RYR1: variants seen among roughly 807,000 people sequenced by gnomAD.
The protein encoded by RYR1 is ryanodine receptor 1, also known as central core disease of muscle.
Under a neutral mutation model 583.5 loss-of-function variants are expected in RYR1, and 342 were observed. The observed-to-expected ratio is 0.59, with a 90% CI of 0.54 to 0.64. RYR1 has a LOEUF of 0.64. Ranked by LOEUF, RYR1 falls within the 30% of genes least tolerant of loss-of-function variation. The pLI, the probability that RYR1 is intolerant of heterozygous loss-of-function variation, is 0.00. For synonymous variants in RYR1, 2,791 were observed against 2,822.5 expected (o/e 0.99, Z 0.35); for missense variants, 6,032 against 6,917.2 (o/e 0.87, Z 4.54).
chr19:38,549,597 C>T (rs1417859531), intron 89 of RYR1, among the ~76,000 whole-genome samples: 4 of 151,598 alleles, frequency 2.6e-5, no homozygotes, highest in South Asian at 2.1e-4. Context: ...TTTATAGAGA[C>T]GTTGCAAGAA....
At chr19:38,525,721 G>A (rs1242815103) in intron 71 of RYR1, among the ~76,000 whole-genome samples, 2 of 151,822 alleles carry the variant, frequency 1.3e-5, no homozygotes, top group Non-Finnish European at 2.9e-5. Context: ...GGGCACCACA[G>A]ACCTAAGAGC....
chr19:38,442,839 C>G (rs1972760483), intron 3 of RYR1, among the ~76,000 whole-genome samples: 1 of 152,188 alleles, frequency 6.6e-6, no homozygotes, highest in Admixed American at 6.5e-5. Context: ...TCTCCTCTTT[C>G]CAGTCCTTTC....
chr19:38,510,395 T>A (rs1401161356), intron 58 of RYR1, 103 bp from the exon 59 acceptor site: 2 of 1,106,444 alleles, frequency 1.8e-6, no homozygotes, highest in African/African-American at 3.1e-5. Context: ...CAATACTTTA[T>A]CCCCCATCAT....
In RYR1 at chr19:38,566,977, G is replaced by A. The variant is rs1973470707; in HGVS notation, c.13504G>A (p.Glu4502Lys). 1.3e-6 allele frequency: 2 copies of A among 1,595,706 alleles called. No homozygotes were observed. Among genetic ancestry groups the A allele is most frequent in the East Asian group, 4.5e-5 (2 of 44,190 alleles). The change falls in exon 92 of 106, where the codon GAG becomes AAG. Residue 4502 changes from glutamate (E) to lysine (K), a missense_variant. Transcript: ENST00000359596. ...CGAGCCGGAACCAGAGCTGGAGCCG[G>A]AGAAAGCCGAGTGAGTGGCCTTGGG... Reference protein sequence around the residue: ...EPEPEPELEPEKADAENGEKE... With the variant: ...EPEPEPELEPKKADAENGEKE...
At chr19:38,564,397 C>T (rs60024847) in intron 90 of RYR1, among the ~76,000 whole-genome samples, 2,883 of 152,080 alleles carry the variant, frequency 0.019, 92 homozygotes, top group African/African-American at 0.064. Flanking sequence ...TGGTGGCAGG[C>T]GCCTGTAATC....
In RYR1 at chr19:38,448,774, A is replaced by T; in HGVS notation, c.1083A>T (p.Pro361=). The T allele has an allele frequency of 1.2e-6, 2 of 1,614,174 alleles. No individual in the cohort carries two copies. Among genetic ancestry groups the T allele is most frequent in the Non-Finnish European group, 8.5e-7 (1 of 1,180,046 alleles). Residue 361 remains proline (P), a synonymous_variant, in exon 11 of 106, where the codon CCA becomes CCT. Coordinates refer to ENST00000359596, the MANE Select transcript of RYR1 (RefSeq NM_000540.3). ...GACTGTGGCTCACCTATGCTGCTCC[A>T]GACCCCAAGGCCCTGCGGCTCGGCG... is the stretch of plus-strand genomic sequence containing the variant. The part of the protein sequence containing the change: ...ASGLWLTYAA[P]DPKALRLGVL...
chr19:38,578,224 CTG>C lies in RYR1; in HGVS notation c.14364+21_14364+22del. 1 of 1,612,130 alleles carries C rather than the reference CTG, an allele frequency of 6.2e-7. No individual in the cohort carries two copies. Among genetic ancestry groups the C allele is most frequent in the Non-Finnish European group, 8.5e-7 (1 of 1,179,164 alleles). ...GACAACGTGAGCAGGGGCCCACAGACTGGGGAGGGACTCTGCAGGGGTGGGGC... is the reference window on the plus strand; with the variant it reads ...GACAACGTGAGCAGGGGCCCACAGACGGGAGGGACTCTGCAGGGGTGGGGC... On this transcript the variant is annotated intron_variant, in intron 99 of 105. Transcript: ENST00000359596.
chr19:38,527,917 G>C, intron 73 of RYR1, 133 bp downstream of exon 73: 1 of 1,001,548 alleles, frequency 1.0e-6, no homozygotes. Flanking sequence ...GGAGCCTCGA[G>C]TTTAAGGCGA....
intron 69 of RYR1, 132 bp downstream of exon 69, chr19:38,523,441 C>T (rs942920574): frequency 4.3e-6 from 4 of 940,328 alleles, no homozygotes; most frequent in South Asian, 1.4e-5. Context: ...AGCAGCCCCT[C>T]TTACCTCCTC....
At chr19:38,539,523 C>A (rs1164453683) in intron 84 of RYR1, among the ~76,000 whole-genome samples, 1 of 151,994 alleles carries the variant, frequency 6.6e-6, no homozygotes, top group East Asian at 1.9e-4. Flanking sequence ...CAGGTGTGAG[C>A]CACCATACCC....
intron 1 of RYR1, among the ~76,000 whole-genome samples, chr19:38,440,261 C>G (rs1300736658): frequency 6.6e-6 from 1 of 152,216 alleles, no homozygotes; most frequent in Non-Finnish European, 1.5e-5. Flanking sequence ...CCACTTCACT[C>G]CAGCCTGGGT....
Position 38,565,547 on chromosome 19 carries a change from G to T in RYR1, c.13213G>T (p.Gly4405Cys), listed in dbSNP as rs957386755. The change falls in exon 91 of 106, where the codon GGC (glycine) becomes TGC (cysteine). Residue 4405 changes from glycine to cysteine, a missense_variant. Physicochemically the swap from Gly to Cys is radical, Grantham distance 159 (BLOSUM62 -3). Around this residue, in one of 11 missense-constraint regions of RYR1, gnomAD observed 753 missense variants for 759.6 expected, o/e 0.99. Coordinates refer to ENST00000359596, the MANE Select transcript of RYR1 (RefSeq NM_000540.3). This position sits in a 1 kb window ranked among gnomAD's most constrained non-coding sequence, Gnocchi z 4.7. ...QPAGPGGDAD[G>C]EGASEGAGDA... is the part of the protein sequence containing the mutation. ...GGCCGGGCCGGGCGGAGACGCAGACGGCGAGGGTGCCAGCGAGGGCGCTGG... is the reference window on the plus strand; with the variant it reads ...GGCCGGGCCGGGCGGAGACGCAGACTGCGAGGGTGCCAGCGAGGGCGCTGG... 1.3e-6 allele frequency: 2 copies of T among 1,492,980 alleles called. No homozygotes were observed. Among genetic ancestry groups the T allele is most frequent in the African/African-American group, 1.5e-5 (1 of 68,684 alleles). 92.5% of individuals were successfully genotyped at this position (1,492,980 alleles called of 1,614,324 possible).
rs1046266005 is a variant in RYR1, at chr19:38,561,783, T to C, written c.12624+329T>C. On this transcript the variant is annotated intron_variant, in intron 90 of 105. Coordinates refer to ENST00000359596, the MANE Select transcript of RYR1 (RefSeq NM_000540.3). This position sits in a 1 kb window ranked among gnomAD's most constrained non-coding sequence, Gnocchi z 4.8. ...CACCCTGGGAGCTCTGGCAGGCCCT[T>C]ATAGCCCTGATGCAGCCCTACCCAC... Among the ~76,000 whole-genome samples the C allele has an allele frequency of 6.6e-5, 10 of 152,070 alleles. No individual in the cohort carries two copies. Among genetic ancestry groups the C allele is most frequent in the Admixed American group, 1.3e-4 (2 of 15,272 alleles).
chr19:38,529,746 T>A (rs1971646449), intron 76 of RYR1, among the ~76,000 whole-genome samples: 1 of 152,206 alleles, frequency 6.6e-6, no homozygotes. Context: ...TCATGTAGGC[T>A]AATGACAGGC....
chr19:38,523,618 T>C lies in RYR1; in HGVS notation c.10441-297T>C, dbSNP rs751222110. On this transcript the variant is annotated intron_variant, in intron 69 of 105. Transcript: ENST00000359596. ...TCTCCATTTTCCTCTTCTCCAAGCC[T>C]CTCTCTCCTCCCATTTCCCTCCTCC... 101 of 601,978 alleles carry C rather than the reference T, an allele frequency of 1.7e-4. 1 individual carries two copies. The highest frequency in any genetic ancestry group is 2.8e-4 in the Non-Finnish European group (94 of 337,936). The allele number at this position is 601,978 out of a possible 1,614,324, so 37.3% of individuals were successfully genotyped here.
intron 64 of RYR1, among the ~76,000 whole-genome samples, chr19:38,515,639 A>AT (rs370981037): frequency 2.0e-5 from 3 of 152,058 alleles, no homozygotes; most frequent in South Asian, 4.2e-4. Flanking sequence ...ACAAAAAAAA[A>AT]TTTTTTTTAA....
chr19:38,525,569 C>G, intron 71 of RYR1, 67 bp downstream of exon 71: 1 of 1,538,344 alleles, frequency 6.5e-7, no homozygotes, highest in Non-Finnish European at 8.9e-7. Flanking sequence ...ACCCCTGGGA[C>G]CTTAGGGAAC....
chr19:38,483,179 C>T lies in RYR1; in HGVS notation c.4707+66C>T, dbSNP rs1033422656. 24 of 1,593,800 alleles carry T rather than the reference C, an allele frequency of 1.5e-5. No homozygotes were observed. Among genetic ancestry groups the T allele is most frequent in the African/African-American group, 4.0e-5 (3 of 74,396 alleles). On this transcript the variant is annotated intron_variant, in intron 32 of 105. Transcript: ENST00000359596. The surrounding 1 kb of genome is among the most constrained non-coding windows in gnomAD (Gnocchi z 6.3). Reference sequence around the variant, plus strand: ...AGGCAGGAGATGTGGGGAGGCCAGGCGGGCAGAGCCACTGAAGGGGAGGGG... The same window carrying T: ...AGGCAGGAGATGTGGGGAGGCCAGGTGGGCAGAGCCACTGAAGGGGAGGGG...
intron 39 of RYR1, among the ~76,000 whole-genome samples, chr19:38,495,222 G>A (rs1969761730): frequency 6.6e-6 from 1 of 152,116 alleles, no homozygotes; most frequent in South Asian, 2.1e-4. Flanking sequence ...ACTCTGAAGG[G>A]TTGTGCTGTG....
Sources: gnomAD v4.1 joint callset for allele counts (sites outside exome capture counted in the v4.1 genomes callset) on GRCh38, gnomAD v4.1.1 for gene constraint, gnomAD v4.1.1 regional missense constraint, Gnocchi (gnomAD v3.1) non-coding constraint, MANE v1.5 for transcripts, NCBI Gene and HGNC (gene_info 2026-07-23, HGNC 2026-07-21) for gene names.